KDM1A: variants seen among roughly 807,000 people sequenced by gnomAD.
KDM1A encodes lysine-specific histone demethylase 1A.
Under a neutral mutation model 109.4 loss-of-function variants are expected in KDM1A, and 49 were observed. The ratio of observed to expected loss-of-function variants is 0.45; its 90% CI spans 0.36 to 0.57. KDM1A has a LOEUF of 0.57. Among genes scored for constraint, KDM1A ranks in the 20% least tolerant of loss-of-function variants. The pLI is 0.00. For missense variants in KDM1A, 668 were observed against 1,116.6 expected, an observed-to-expected ratio of 0.60 and a Z score of 5.73; for synonymous variants, 380 against 415.4, an observed-to-expected ratio of 0.91 and a Z score of 1.04.
chr1:23,078,991 A>T lies in KDM1A; in HGVS notation c.1869A>T (p.Gly623=). The part of the protein sequence containing the change: ...AVRQVRYTAS[G]CEVIAVNTRS... Reference sequence around the variant, plus strand: ...TCTTTTCCCACCCAACCTCTGCAGGATGTGAAGTGATAGCTGTGAATACCC... The same window carrying T: ...TCTTTTCCCACCCAACCTCTGCAGGTTGTGAAGTGATAGCTGTGAATACCC... The change falls in exon 17 of 21, where the codon GGA becomes GGT. Residue 623 remains glycine, a splice_region_variant and synonymous_variant. Transcript: ENST00000400181. 1 of 1,613,306 alleles carries T rather than the reference A, an allele frequency of 6.2e-7. No homozygotes were observed. The highest frequency in any genetic ancestry group is 8.5e-7 in the Non-Finnish European group (1 of 1,179,390).
At chr1:23,075,382 C>T (rs1249764038) in intron 15 of KDM1A, among the ~76,000 whole-genome samples, 1 of 151,836 alleles carries the variant, frequency 6.6e-6, no homozygotes, top group Non-Finnish European at 1.5e-5. Context: ...GTCAGGAGTT[C>T]AAGACCAGCC....
chr1:23,081,214 T>G (rs1006218633), intron 18 of KDM1A: 8 of 476,120 alleles, frequency 1.7e-5, no homozygotes, highest in Non-Finnish European at 2.6e-5. Context: ...AGCAGTGAGG[T>G]GCCTGAGAAT....
At chr1:23,022,950 G>T (rs1220085080) in intron 1 of KDM1A, among the ~76,000 whole-genome samples, 1 of 152,108 alleles carries the variant, frequency 6.6e-6, no homozygotes, top group African/African-American at 2.4e-5. Context: ...GAGCCACCTT[G>T]TTGAGCCTCC....
intron 19 of KDM1A, 146 bp from the exon 20 acceptor site, chr1:23,082,074 G>A (rs1569833659): frequency 1.3e-6 from 1 of 763,570 alleles, no homozygotes; most frequent in South Asian, 1.9e-5. Context: ...TTTTAAAGCA[G>A]GCATTCATCA....
At chr1:23,047,232 A>G (rs1642526824) in intron 3 of KDM1A, among the ~76,000 whole-genome samples, 1 of 152,012 alleles carries the variant, frequency 6.6e-6, no homozygotes, top group Non-Finnish European at 1.5e-5. Flanking sequence ...TTAGCTTTTT[A>G]TCTTGCAGGC....
chr1:23,050,999 C>A (rs1285364898), intron 4 of KDM1A, among the ~76,000 whole-genome samples: 1 of 152,108 alleles, frequency 6.6e-6, no homozygotes, highest in African/African-American at 2.4e-5. Flanking sequence ...GCAGGAGAAT[C>A]GCTTGAACCT....
rs182948134 is a variant in KDM1A, at chr1:23,051,672, T to C, written c.711+1152T>C. On this transcript the variant is annotated intron_variant, in intron 4 of 20. Transcript: ENST00000400181. The stretch of plus-strand genomic sequence containing the variant: ...AGAGAGTAAATGGATGAGGGAAAGG[T>C]GCTATTCAGAACATGCTCATGTTAC... 2.4e-3 allele frequency among the ~76,000 whole-genome samples: 366 copies of C among 152,290 alleles called. 2 individuals carry two copies. The highest frequency in any genetic ancestry group is 8.3e-3 in the African/African-American group (346 of 41,568).
intron 1 of KDM1A, among the ~76,000 whole-genome samples, chr1:23,025,868 G>A (rs1191858854): frequency 6.6e-6 from 1 of 152,134 alleles, no homozygotes; most frequent in Non-Finnish European, 1.5e-5. Context: ...AAGGTGGACA[G>A]ATCGATTGAG....
chr1:23,022,332 T>G (rs1028777892), intron 1 of KDM1A, among the ~76,000 whole-genome samples: 56 of 88,568 alleles, frequency 6.3e-4, no homozygotes, highest in African/African-American at 2.1e-3. Context: ...TCGTTTTTTT[T>G]TTTTTGTTGT....
intron 1 of KDM1A, among the ~76,000 whole-genome samples, chr1:23,021,460 G>A (rs1263177689): frequency 6.6e-6 from 1 of 152,088 alleles, no homozygotes; most frequent in Non-Finnish European, 1.5e-5. Context: ...TCAGGAGTTC[G>A]AGACCAGCCT....
chr1:23,032,152 C>T (rs755616016), intron 2 of KDM1A, among the ~76,000 whole-genome samples: 3 of 152,138 alleles, frequency 2.0e-5, no homozygotes, highest in East Asian at 1.9e-4. Context: ...TTAATGTCTG[C>T]GGTGGCTCAA....
At chr1:23,041,512 G>A (rs1288869656) in intron 2 of KDM1A, among the ~76,000 whole-genome samples, 21 of 137,792 alleles carry the variant, frequency 1.5e-4, no homozygotes, top group East Asian at 1.5e-3. Context: ...GTGCAATCTC[G>A]GCTCACTGCA....
At chr1:23,020,763 C>T (rs965115711) in intron 1 of KDM1A, among the ~76,000 whole-genome samples, 23 of 152,228 alleles carry the variant, frequency 1.5e-4, no homozygotes, top group East Asian at 5.8e-4. Flanking sequence ...TAAACTGAGG[C>T]ACACAATTTA....
intron 9 of KDM1A, among the ~76,000 whole-genome samples, chr1:23,062,109 A>G (rs947214459): frequency 6.6e-6 from 1 of 152,264 alleles, no homozygotes; most frequent in Non-Finnish European, 1.5e-5. Flanking sequence ...ACTAAAGCTC[A>G]CACACGTGTT....
At chr1:23,058,592 T>C (rs1217746654) in intron 8 of KDM1A, among the ~76,000 whole-genome samples, 1 of 152,174 alleles carries the variant, frequency 6.6e-6, no homozygotes, top group Non-Finnish European at 1.5e-5. Flanking sequence ...AAGAGATTCT[T>C]CTGCCTTAGC....
At chr1:23,050,556 A>T in intron 4 of KDM1A, 36 bp downstream of exon 4, 1 of 1,561,870 alleles carries the variant, frequency 6.4e-7, no homozygotes, top group Non-Finnish European at 8.7e-7. Context: ...CCTGGATTAT[A>T]AAAAGTATAT....
At chr1:23,039,928 G>A (rs1569677791) in intron 2 of KDM1A, among the ~76,000 whole-genome samples, 1 of 152,116 alleles carries the variant, frequency 6.6e-6, no homozygotes, top group Non-Finnish European at 1.5e-5. Context: ...GGGCAGATAC[G>A]GTAAACACTG....
intron 9 of KDM1A, among the ~76,000 whole-genome samples, chr1:23,061,093 A>G (rs373757986): frequency 1.2e-4 from 18 of 152,294 alleles, no homozygotes; most frequent in African/African-American, 4.3e-4. Flanking sequence ...CTTTCTTGGT[A>G]TTAGATGAGC....
At position 23,019,958 on chromosome 1, in the gene KDM1A, A is replaced by T. The variant is rs1373062756; in HGVS notation, c.351+11A>T. On this transcript the variant is annotated intron_variant, in intron 1 of 20. Coordinates refer to ENST00000400181, the MANE Select transcript of KDM1A (RefSeq NM_001009999.3). ...CGCAAGCGGGCGAAGGTAAGGCTCGACCCTTCCCTCAAACGACACCGCCTG... is the reference window on the plus strand; with the variant it reads ...CGCAAGCGGGCGAAGGTAAGGCTCGTCCCTTCCCTCAAACGACACCGCCTG... 2 of 1,522,694 alleles carry T rather than the reference A, an allele frequency of 1.3e-6. No homozygotes were observed. The highest frequency in any genetic ancestry group is 1.8e-6 in the Non-Finnish European group (2 of 1,139,436). 94.3% of individuals were successfully genotyped at this position (1,522,694 alleles called of 1,614,324 possible). A position where few individuals can be genotyped will look rare whatever the true frequency, so the allele number is the denominator to read the frequency against.
Sources: allele counts gnomAD v4.1 joint callset (sites outside exome capture counted in the v4.1 genomes callset), GRCh38; gene constraint gnomAD v4.1.1; transcripts MANE v1.5; gene names NCBI Gene and HGNC (gene_info 2026-07-23, HGNC 2026-07-21).